Variants in CPPED1 observed in about 807,000 individuals in gnomAD.
CPPED1 encodes calcineurin like phosphoesterase domain containing 1.
CPPED1 carries 28 observed loss-of-function variants against 28.0 expected under a neutral mutation model. That is an observed-to-expected ratio of 1.00 (90% CI 0.74 to 1.37). CPPED1 has a LOEUF of 1.37. CPPED1 is among the 40% of genes most tolerant of loss of function. CPPED1 has a pLI of 0.00. For synonymous variants in CPPED1, 198 were observed against 180.2 expected (o/e 1.10, Z -0.79); for missense variants, 504 against 416.5 (o/e 1.21, Z -1.83).
At chr16:12,767,254 T>C (rs1319667139) in intron 2 of CPPED1, among the ~76,000 whole-genome samples, 1 of 152,176 alleles carries the variant, frequency 6.6e-6, no homozygotes, top group Non-Finnish European at 1.5e-5. Context: ...GGAGTGCCGA[T>C]GTCCAGGGGC....
At chr16:12,789,656 G>A (rs994041267) in intron 1 of CPPED1, among the ~76,000 whole-genome samples, 20 of 152,002 alleles carry the variant, frequency 1.3e-4, no homozygotes, top group African/African-American at 4.4e-4. Flanking sequence ...CTCTGGAGTC[G>A]ACGGGAGCAC....
intron 2 of CPPED1, among the ~76,000 whole-genome samples, chr16:12,779,900 C>T (rs1401497060): frequency 1.3e-5 from 2 of 152,060 alleles, no homozygotes; most frequent in African/African-American, 2.4e-5. Context: ...TCTAAGGTCC[C>T]CTGCCTCCCT....
At position 12,801,783 on chromosome 16, in the gene CPPED1, AG is replaced by A. The variant is rs542502396; in HGVS notation, c.70+1923del. Among the ~76,000 whole-genome samples the A allele has an allele frequency of 9.8e-5, 15 of 152,350 alleles. No individual in the cohort carries two copies. The South Asian group carries it at 2.9e-3, about 29-fold the overall frequency. On this transcript the variant is annotated intron_variant, in intron 1 of 3. Coordinates refer to ENST00000381774, the MANE Select transcript of CPPED1 (RefSeq NM_018340.3). ...GGATGATTTTAAAAAGGGTTTAAAA[AG>A]GGATTACTTGGTGGGGGTTGGGTGG...
rs776986054 is a variant in CPPED1 at position 12,803,696 on chromosome 16, G to T, written c.70+11C>A. On this transcript the variant is annotated intron_variant, in intron 1 of 3. Coordinates refer to ENST00000381774, the MANE Select transcript of CPPED1 (RefSeq NM_018340.3). ...CCAGAGTCCCCTCCCCGGGTGAGGG[G>T]CGGGCAGTACCTGCGGGAAACGCGG... The T allele has an allele frequency of 1.3e-6, 2 of 1,553,384 alleles. No individual in the cohort carries two copies. The highest frequency in any genetic ancestry group is 1.4e-5 in the African/African-American group (1 of 71,038).
rs144729319 is a variant in CPPED1, at chr16:12,733,435, C to T, written c.290-28386G>A. ...GATTACAGGCGCCCGCCACCACATT[C>T]GGCTAATTTTTGTATTTTTAGTAGA... On this transcript the variant is annotated intron_variant, in intron 2 of 3. Transcript: ENST00000381774. Among the ~76,000 whole-genome samples the T allele has an allele frequency of 5.2e-3, 786 of 152,122 alleles. 9 individuals are homozygous for T. The highest frequency in any genetic ancestry group is 0.018 in the African/African-American group (747 of 41,510).
intron 3 of CPPED1, among the ~76,000 whole-genome samples, chr16:12,678,978 A>AT (rs979148343): frequency 6.6e-6 from 1 of 152,128 alleles, no homozygotes; most frequent in Non-Finnish European, 1.5e-5. Context: ...TCATATTCCT[A>AT]TTTTTTAGAC....
At chr16:12,787,405 CTT>C (rs57802112) in intron 1 of CPPED1, among the ~76,000 whole-genome samples, 63,832 of 140,824 alleles carry the variant, frequency 0.45, 14,247 homozygotes, top group South Asian at 0.66. Context: ...ATTTTTCTTT[CTT>C]TTTTTTTTTT....
At chr16:12,739,049 T>G (rs976107660) in intron 2 of CPPED1, among the ~76,000 whole-genome samples, 3 of 152,112 alleles carry the variant, frequency 2.0e-5, no homozygotes, top group African/African-American at 7.2e-5. Context: ...CATTGAGTCT[T>G]GGGTCTGCTG....
intron 3 of CPPED1, among the ~76,000 whole-genome samples, chr16:12,694,630 G>T (rs2079979804): frequency 6.8e-6 from 1 of 146,062 alleles, no homozygotes; most frequent in Admixed American, 7.2e-5. Flanking sequence ...GTGGGAAAAT[G>T]AATTCAAGAC....
intron 2 of CPPED1, among the ~76,000 whole-genome samples, chr16:12,765,838 C>T (rs941692515): frequency 6.6e-6 from 1 of 152,138 alleles, no homozygotes; most frequent in African/African-American, 2.4e-5. Flanking sequence ...GCGCCATTTT[C>T]CAACCTCTCA....
chr16:12,695,522 C>T (rs11861022), intron 3 of CPPED1, among the ~76,000 whole-genome samples: 1,721 of 152,302 alleles, frequency 0.011, 32 homozygotes, highest in African/African-American at 0.038. Context: ...CCTCCTACTT[C>T]GGCCTCCCAT....
chr16:12,796,474 G>A (rs1375743880), intron 1 of CPPED1, among the ~76,000 whole-genome samples: 4 of 151,994 alleles, frequency 2.6e-5, no homozygotes, highest in Admixed American at 6.6e-5. Flanking sequence ...CAGCCTGGGC[G>A]ACAGAGTGAG....
Position 12,662,529 on chromosome 16 carries a change from C to T in CPPED1, c.*2357G>A, listed in dbSNP as rs766512795. The T allele has an allele frequency of 6.6e-6, 1 of 152,216 alleles. No homozygotes were observed. The highest frequency in any genetic ancestry group is 1.5e-5 in the Non-Finnish European group (1 of 68,042). 9.4% of individuals were successfully genotyped at this position (152,216 alleles called of 1,614,324 possible). ...GTACCCATCAGGTACTTTCTCATCC[C>T]TTACCCTCCTCCCACCCTTCTGAGT... is the stretch of plus-strand genomic sequence containing the variant. On this transcript the variant is annotated 3_prime_UTR_variant, in exon 4 of 4. Coordinates refer to ENST00000381774, the MANE Select transcript of CPPED1 (RefSeq NM_018340.3).
intron 2 of CPPED1, among the ~76,000 whole-genome samples, chr16:12,737,983 G>A (rs1293724365): frequency 2.6e-5 from 4 of 152,204 alleles, no homozygotes; most frequent in Non-Finnish European, 5.9e-5. Flanking sequence ...AAATGATAAT[G>A]ACTGACGCCT....
chr16:12,774,890 C>T (rs1477116731), intron 2 of CPPED1, among the ~76,000 whole-genome samples: 4 of 152,238 alleles, frequency 2.6e-5, no homozygotes, highest in Middle Eastern at 6.8e-3. Context: ...GGCATGATCA[C>T]GGCTCACTGA....
At chr16:12,739,037 C>G (rs7202365) in intron 2 of CPPED1, among the ~76,000 whole-genome samples, 79,236 of 151,844 alleles carry the variant, frequency 0.52, 21,406 homozygotes, top group South Asian at 0.63. Context: ...AGGCGGCTTT[C>G]GCATTGAGTC....
At chr16:12,793,149 T>C (rs2080606548) in intron 1 of CPPED1, among the ~76,000 whole-genome samples, 1 of 152,342 alleles carries the variant, frequency 6.6e-6, no homozygotes, top group Non-Finnish European at 1.5e-5. Flanking sequence ...TGATGGATCC[T>C]GTTCCTTAAA....
At chr16:12,716,438 G>T (rs2080107524) in intron 2 of CPPED1, among the ~76,000 whole-genome samples, 1 of 152,228 alleles carries the variant, frequency 6.6e-6, no homozygotes. Context: ...CCCTTCGCTG[G>T]AAGGAAAGAG....
At chr16:12,788,286 T>C (rs942669062) in intron 1 of CPPED1, among the ~76,000 whole-genome samples, 1 of 152,068 alleles carries the variant, frequency 6.6e-6, no homozygotes, top group Non-Finnish European at 1.5e-5. Flanking sequence ...CACCTGGAGG[T>C]GAAATCACTG....
Sources: allele counts gnomAD v4.1 joint callset (sites outside exome capture counted in the v4.1 genomes callset), GRCh38; gene constraint gnomAD v4.1.1; transcripts MANE v1.5; gene names NCBI Gene and HGNC (gene_info 2026-07-23, HGNC 2026-07-21).